RUNX1T1: variants seen among roughly 807,000 people sequenced by gnomAD.
RUNX1T1 encodes the protein protein CBFA2T1.
In RUNX1T1, 4 loss-of-function variants were observed where a neutral mutation model predicts 62.8. The ratio of observed to expected loss-of-function variants is 0.06; its 90% CI spans 0.03 to 0.15. RUNX1T1 has a LOEUF of 0.15. RUNX1T1 is among the 10% of genes least tolerant of loss of function. The pLI, the probability that RUNX1T1 is intolerant of heterozygous loss-of-function variation, is 1.00. For missense variants in RUNX1T1, 508 were observed against 754.3 expected, an observed-to-expected ratio of 0.67 and a Z score of 3.82; for synonymous variants, 291 against 286.0, an observed-to-expected ratio of 1.02 and a Z score of -0.18.
intron 4 of RUNX1T1, chr8:92,006,430 C>T (rs1029899637): frequency 6.6e-6 from 1 of 152,280 alleles, no homozygotes; most frequent in Admixed American, 6.5e-5. Context: ...GTGCCATGTA[C>T]ACCGATTAAC....
chr8:92,093,041 C>A (rs1022017436), intron 1 of RUNX1T1, among the ~76,000 whole-genome samples: 2 of 152,124 alleles, frequency 1.3e-5, no homozygotes, highest in East Asian at 1.9e-4. Flanking sequence ...AAACTGATTG[C>A]ATTTTCTCTT....
chr8:91,987,591 TAA>T (rs1816843322), intron 6 of RUNX1T1, among the ~76,000 whole-genome samples: 1 of 152,126 alleles, frequency 6.6e-6, no homozygotes, highest in African/African-American at 2.4e-5. Flanking sequence ...AAAAAAAAAT[TAA>T]TATACCAGAT....
intron 5 of RUNX1T1, among the ~76,000 whole-genome samples, chr8:92,002,913 A>G (rs563075350): frequency 2.8e-4 from 43 of 152,338 alleles, no homozygotes; most frequent in African/African-American, 1.0e-3. Context: ...ATGCAAAAAG[A>G]AAAAATACTG....
intron 1 of RUNX1T1, among the ~76,000 whole-genome samples, chr8:92,032,348 C>A (rs1039434023): frequency 6.6e-6 from 1 of 151,898 alleles, no homozygotes; most frequent in Non-Finnish European, 1.5e-5. Flanking sequence ...AAAAATAAAC[C>A]CGTCTCATGC....
intron 1 of RUNX1T1, among the ~76,000 whole-genome samples, chr8:92,034,987 T>C (rs939667831): frequency 1.5e-4 from 23 of 152,038 alleles, no homozygotes; most frequent in African/African-American, 3.9e-4. Context: ...AGCTAAATAA[T>C]GGGTACACAT....
At chr8:92,069,674 T>A (rs1177028834) in intron 2 of RUNX1T1, among the ~76,000 whole-genome samples, 2 of 152,204 alleles carry the variant, frequency 1.3e-5, no homozygotes, top group Non-Finnish European at 2.9e-5. Flanking sequence ...TCAATGTAAA[T>A]TTTTAAATTA....
chr8:92,014,146 A>G (rs7827887), intron 3 of RUNX1T1, among the ~76,000 whole-genome samples: 35,547 of 152,082 alleles, frequency 0.23, 4,390 homozygotes, highest in African/African-American at 0.31. Context: ...ATAAAAATCC[A>G]CTAAAGCAAT....
At chr8:91,970,568 T>C (rs1316795982) in intron 10 of RUNX1T1, 90 bp downstream of exon 11, 9 of 1,215,754 alleles carry the variant, frequency 7.4e-6, no homozygotes, top group Non-Finnish European at 9.9e-6. Flanking sequence ...TTTCCAAATA[T>C]TTATCTAAAG....
chr8:91,964,190 T>G (rs1180510451), intron 10 of RUNX1T1, among the ~76,000 whole-genome samples: 1 of 152,212 alleles, frequency 6.6e-6, no homozygotes, highest in East Asian at 1.9e-4. Context: ...TTCGACACTT[T>G]GTTTCAAATC....
chr8:91,975,951 G>C, exon 9 of RUNX1T1: 1 of 1,613,442 alleles, frequency 6.2e-7, no homozygotes, highest in Non-Finnish European at 8.5e-7. Flanking sequence ...ACGCAGGCCT[G>C]TGAAGGAATT....
At chr8:92,075,928 G>T in intron 2 of RUNX1T1, 37 bp downstream of exon 2, 1 of 1,563,446 alleles carries the variant, frequency 6.4e-7, no homozygotes, top group Non-Finnish European at 8.6e-7. Flanking sequence ...TGGTACGTAA[G>T]TAAATTGCAA....
At position 91,991,787 on chromosome 8, in the gene RUNX1T1, G is replaced by A. The variant is rs369158820; in HGVS notation, c.762C>T (p.Gly254=). 8 of 1,614,038 alleles carry A rather than the reference G, an allele frequency of 5.0e-6. No individual in the cohort carries two copies. In the Admixed American group the frequency reaches 1.0e-4, roughly 20 times the overall value. The change falls in exon 6 of 11, where the codon GGC becomes GGT. Residue 254 remains glycine, a synonymous_variant. Coordinates refer to ENST00000396218, the Ensembl canonical transcript of RUNX1T1. ...GCAGGCCATTGGGCTGGTAGGATAAGCCGTTATTTGGACTGTACCGCTGGC... is the reference window on the plus strand; with the variant it reads ...GCAGGCCATTGGGCTGGTAGGATAAACCGTTATTTGGACTGTACCGCTGGC...
At chr8:92,060,083 C>T (rs1335457738) in intron 1 of RUNX1T1, among the ~76,000 whole-genome samples, 1 of 151,974 alleles carries the variant, frequency 6.6e-6, no homozygotes, top group Non-Finnish European at 1.5e-5. Context: ...GGAGTCACTG[C>T]CTCCTGAAAC....
intron 8 of RUNX1T1, among the ~76,000 whole-genome samples, chr8:91,982,300 G>A (rs1038624539): frequency 6.0e-5 from 9 of 149,434 alleles, no homozygotes; most frequent in Admixed American, 2.0e-4. Flanking sequence ...CAAAAAGAGC[G>A]CACACAGATA....
At chr8:92,060,547 ATATATATGTG>A (rs1563871919) in intron 1 of RUNX1T1, among the ~76,000 whole-genome samples, 2 of 102,792 alleles carry the variant, frequency 1.9e-5, no homozygotes, top group East Asian at 2.1e-4. Context: ...ATATATATAT[ATATATATGTG>A]TGTGTGTGTG....
intron 1 of RUNX1T1, among the ~76,000 whole-genome samples, chr8:92,089,385 C>G (rs1363573010): frequency 2.0e-5 from 3 of 152,138 alleles, no homozygotes; most frequent in African/African-American, 7.2e-5. Context: ...ATTGTTTAGT[C>G]TTTCCTGAGA....
chr8:92,064,171 G>A (rs968792484), upstream of RUNX1T1, among the ~76,000 whole-genome samples: 11 of 151,956 alleles, frequency 7.2e-5, no homozygotes, highest in African/African-American at 1.9e-4. Context: ...CACACTCTCC[G>A]CACAAACTAA....
At chr8:92,034,786 A>ATACACACG (rs1563810668) in intron 1 of RUNX1T1, among the ~76,000 whole-genome samples, 8,084 of 127,396 alleles carry the variant, frequency 0.063, 679 homozygotes, top group Middle Eastern at 0.073. Context: ...ACACATATAT[A>ATACACACG]TATACATATA....
At chr8:91,977,079 G>A (rs1027018306) in intron 8 of RUNX1T1, 4 of 192,354 alleles carry the variant, frequency 2.1e-5, no homozygotes, top group African/African-American at 4.6e-5. Context: ...AGAAAAGCAC[G>A]ATGAGTTTAG....
Sources: allele counts gnomAD v4.1 joint callset (sites outside exome capture counted in the v4.1 genomes callset), GRCh38; gene constraint gnomAD v4.1.1; transcripts MANE v1.5; gene names NCBI Gene and HGNC (gene_info 2026-07-23, HGNC 2026-07-21).